VPS53: variants seen among roughly 807,000 people sequenced by gnomAD.
The protein encoded by VPS53 is VPS53 subunit of GARP complex.
In VPS53, 70 loss-of-function variants were observed where a neutral mutation model predicts 107.0. That is an observed-to-expected ratio of 0.65 (90% CI 0.54 to 0.80). The LOEUF is 0.80. Ranked by LOEUF, VPS53 falls within the 30% of genes least tolerant of loss-of-function variation. The pLI, the probability that VPS53 is intolerant of heterozygous loss-of-function variation, is 0.00. For missense variants in VPS53, 917 were observed against 1,049.4 expected (o/e 0.87, Z 1.74); for synonymous variants, 409 against 393.3 (o/e 1.04, Z -0.47).
intron 2 of VPS53, among the ~76,000 whole-genome samples, chr17:707,678 G>T (rs1454605414): frequency 6.6e-6 from 1 of 151,758 alleles, no homozygotes; most frequent in South Asian, 2.1e-4. Flanking sequence ...GTGAGATCTC[G>T]TCTCTACTAA....
chr17:631,756 G>T, intron 7 of VPS53, 128 bp from the exon 8 acceptor site: 1 of 725,942 alleles, frequency 1.4e-6, no homozygotes, highest in Non-Finnish European at 2.3e-6. Context: ...CGTCCATGAG[G>T]TGAGAGGTCA....
At chr17:614,996 A>T (rs1301173794) in intron 11 of VPS53, among the ~76,000 whole-genome samples, 1 of 152,262 alleles carries the variant, frequency 6.6e-6, no homozygotes, top group African/African-American at 2.4e-5. Context: ...ATAAAAAGCT[A>T]ATCCGATCTA....
intron 17 of VPS53, among the ~76,000 whole-genome samples, chr17:543,146 A>G (rs538644161): frequency 6.6e-6 from 1 of 152,284 alleles, no homozygotes; most frequent in South Asian, 2.1e-4. Flanking sequence ...TGTGCATTTT[A>G]ATGACTGAGG....
intron 11 of VPS53, among the ~76,000 whole-genome samples, chr17:612,360 A>C (rs1320164695): frequency 3.4e-5 from 4 of 117,500 alleles, no homozygotes; most frequent in African/African-American, 1.2e-4. Context: ...TCACATAGTG[A>C]GTTCACACAG....
chr17:661,446 G>C (rs539812333), intron 5 of VPS53, among the ~76,000 whole-genome samples: 2 of 150,934 alleles, frequency 1.3e-5, no homozygotes, highest in East Asian at 3.9e-4. Context: ...GCTTGAACCT[G>C]GGAGGCGGAG....
At chr17:665,344 A>G (rs939479018) in intron 4 of VPS53, among the ~76,000 whole-genome samples, 1 of 152,226 alleles carries the variant, frequency 6.6e-6, no homozygotes, top group Non-Finnish European at 1.5e-5. Flanking sequence ...AAGATGCGGT[A>G]AGAAGCCCTT....
intron 2 of VPS53, among the ~76,000 whole-genome samples, chr17:703,966 A>C (rs529431635): frequency 1.4e-4 from 21 of 152,256 alleles, no homozygotes; most frequent in African/African-American, 4.8e-4. Flanking sequence ...TAGAGAATAC[A>C]GCCATGAGCT....
chr17:615,565 C>T (rs970988229), intron 11 of VPS53, among the ~76,000 whole-genome samples: 5 of 152,262 alleles, frequency 3.3e-5, no homozygotes, highest in Admixed American at 1.3e-4. Flanking sequence ...AGTCTCTGGC[C>T]GTTTTGGCTC....
intron 20 of VPS53, among the ~76,000 whole-genome samples, chr17:521,082 A>G (rs929446339): frequency 5.9e-5 from 9 of 152,228 alleles, no homozygotes; most frequent in African/African-American, 2.2e-4. Flanking sequence ...TCTTCAAAAT[A>G]GCTGGAAACC....
At chr17:663,902 A>G (rs1971574094) in intron 4 of VPS53, among the ~76,000 whole-genome samples, 1 of 152,182 alleles carries the variant, frequency 6.6e-6, no homozygotes, top group African/African-American at 2.4e-5. Context: ...TCCTGGAAAA[A>G]CAACAAAATA....
In VPS53 at chr17:524,755, T is replaced by G. The variant is rs559913598; in HGVS notation, c.2086-3017A>C. On this transcript the variant is annotated intron_variant, in intron 19 of 21. Transcript: ENST00000437048. The surrounding 1 kb of genome is among the most constrained non-coding windows in gnomAD (Gnocchi z 4.5). Reference sequence around the variant, plus strand: ...GTGGGCACGGCCATGGCACTGAAATTCACAAATGTACACCGTAATACACCC... The same window carrying G: ...GTGGGCACGGCCATGGCACTGAAATGCACAAATGTACACCGTAATACACCC... Among the ~76,000 whole-genome samples the G allele has an allele frequency of 6.6e-6, 1 of 152,242 alleles. No homozygotes were observed. Among genetic ancestry groups the G allele is most frequent in the East Asian group, 1.9e-4 (1 of 5,186 alleles).
intron 15 of VPS53, among the ~76,000 whole-genome samples, chr17:558,528 C>G (rs1010362136): frequency 1.3e-5 from 2 of 151,976 alleles, no homozygotes; most frequent in African/African-American, 4.8e-5. Context: ...CAGCTACTCG[C>G]GAGGCTGAGG....
intron 5 of VPS53, among the ~76,000 whole-genome samples, chr17:656,620 G>A (rs1567713771): frequency 1.3e-5 from 2 of 152,096 alleles, no homozygotes; most frequent in South Asian, 4.1e-4. Context: ...ATTCAATAGA[G>A]AAGTTGGAAA....
intron 13 of VPS53, among the ~76,000 whole-genome samples, chr17:573,697 T>C (rs1161312161): frequency 6.6e-6 from 1 of 152,162 alleles, no homozygotes; most frequent in Admixed American, 6.5e-5. Flanking sequence ...CCTCACAGTG[T>C]AGAGGGGCTA....
chr17:656,208 A>G (rs1350765949), intron 5 of VPS53, among the ~76,000 whole-genome samples: 1 of 152,208 alleles, frequency 6.6e-6, no homozygotes, highest in Non-Finnish European at 1.5e-5. Context: ...TTTTTACCCC[A>G]AATGAAATGA....
chr17:615,827 G>A (rs1969110193), intron 11 of VPS53, among the ~76,000 whole-genome samples: 3 of 152,218 alleles, frequency 2.0e-5, no homozygotes, highest in African/African-American at 4.8e-5. Context: ...CAGCTAGACT[G>A]GGGGTCAGGA....
intron 2 of VPS53, among the ~76,000 whole-genome samples, chr17:707,269 C>T (rs1212999967): frequency 6.6e-6 from 1 of 151,880 alleles, no homozygotes; most frequent in Non-Finnish European, 1.5e-5. Flanking sequence ...CGCCTGTCAT[C>T]CCAGCACTTT....
chr17:581,749 AG>A (rs1967029470), intron 13 of VPS53, among the ~76,000 whole-genome samples: 1 of 139,878 alleles, frequency 7.1e-6, no homozygotes, highest in African/African-American at 3.3e-5. Flanking sequence ...ATGCGTTCCC[AG>A]AGATCCTCCC....
At chr17:627,479 A>C (rs1969762835) in intron 9 of VPS53, among the ~76,000 whole-genome samples, 163 bp from the exon 10 acceptor site, 1 of 152,172 alleles carries the variant, frequency 6.6e-6, no homozygotes, top group Non-Finnish European at 1.5e-5. Context: ...TTTTTACTTA[A>C]AAATTCAGAG....
Sources: gnomAD v4.1 joint callset for allele counts (sites outside exome capture counted in the v4.1 genomes callset) on GRCh38, gnomAD v4.1.1 for gene constraint, Gnocchi (gnomAD v3.1) non-coding constraint, MANE v1.5 for transcripts, NCBI Gene and HGNC (gene_info 2026-07-23, HGNC 2026-07-21) for gene names.